Variants in RBFOX1 observed in about 807,000 individuals in gnomAD.
RBFOX1 encodes the protein RNA binding fox-1 homolog 1, also known as RNA binding protein fox-1 homolog 1.
A neutral mutation model predicts 57.7 loss-of-function variants in RBFOX1; 8 were observed. The observed-to-expected ratio is 0.14, with a 90% CI of 0.08 to 0.25. RBFOX1 has a LOEUF of 0.25. Among genes scored for constraint, RBFOX1 ranks in the 10% least tolerant of loss-of-function variants. The pLI, the probability that RBFOX1 is intolerant of heterozygous loss-of-function variation, is 1.00. For missense variants in RBFOX1, 611 were observed against 548.5 expected (o/e 1.11, Z -1.14); for synonymous variants, 326 against 222.4 (o/e 1.47, Z -4.15).
In RBFOX1 at chr16:6,747,202, G is replaced by A. The variant is rs2073883826; in HGVS notation, c.-16+92552G>A. On this transcript the variant is annotated intron_variant, in intron 3 of 15. Coordinates refer to ENST00000550418, the MANE Select transcript of RBFOX1 (RefSeq NM_018723.4). Reference sequence around the variant, plus strand: ...AGACGGTCAGATCACAAGGTCAGGAGTTCGAGACCAGCCTGACTCACATGG... The same window carrying A: ...AGACGGTCAGATCACAAGGTCAGGAATTCGAGACCAGCCTGACTCACATGG... Among the ~76,000 whole-genome samples the A allele has an allele frequency of 2.6e-5, 4 of 152,174 alleles. No individual in the cohort carries two copies. The South Asian group carries it at 8.3e-4, about 32-fold the overall frequency.
chr16:6,912,858 G>C (rs1174063829), intron 3 of RBFOX1, among the ~76,000 whole-genome samples: 1 of 151,926 alleles, frequency 6.6e-6, no homozygotes, highest in Non-Finnish European at 1.5e-5. Flanking sequence ...GAGCTCAAGT[G>C]ATCCTCTTGC....
chr16:7,445,656 A>G (rs1384820275), intron 4 of RBFOX1, among the ~76,000 whole-genome samples: 2 of 152,166 alleles, frequency 1.3e-5, no homozygotes, highest in Admixed American at 6.5e-5. Flanking sequence ...TAGAAATTCA[A>G]AATACAAGAT....
chr16:6,204,893 T>G (rs1413481532), intron 1 of RBFOX1, among the ~76,000 whole-genome samples: 1 of 152,172 alleles, frequency 6.6e-6, no homozygotes, highest in Non-Finnish European at 1.5e-5. Context: ...AATGCATAAA[T>G]GCACGATAAC....
chr16:5,970,807 A>C (rs918215559), intron 4 of RBFOX1, among the ~76,000 whole-genome samples: 1 of 152,196 alleles, frequency 6.6e-6, no homozygotes, highest in Non-Finnish European at 1.5e-5. Flanking sequence ...GCACAGCAAA[A>C]TATGCCTTGA....
intron 2 of RBFOX1, among the ~76,000 whole-genome samples, chr16:6,625,959 A>G (rs1257939829): frequency 6.6e-6 from 1 of 152,194 alleles, no homozygotes; most frequent in African/African-American, 2.4e-5. Flanking sequence ...TCATTGAGGT[A>G]CATGTTCAGT....
At chr16:5,696,689 T>G (rs1187699887) in intron 3 of RBFOX1, among the ~76,000 whole-genome samples, 1 of 152,214 alleles carries the variant, frequency 6.6e-6, no homozygotes, top group Non-Finnish European at 1.5e-5. Flanking sequence ...ATGAATTGCA[T>G]GGAATTCAAA....
intron 6 of RBFOX1, among the ~76,000 whole-genome samples, chr16:7,580,603 C>T (rs1482622779): frequency 2.0e-5 from 3 of 152,188 alleles, no homozygotes; most frequent in South Asian, 2.1e-4. Context: ...AAACACAGAG[C>T]AGGCCACAAG....
intron 3 of RBFOX1, among the ~76,000 whole-genome samples, chr16:6,824,795 T>C (rs898880594): frequency 1.3e-5 from 2 of 151,896 alleles, no homozygotes; most frequent in Non-Finnish European, 2.9e-5. Context: ...ATTAAATATA[T>C]TTTTAAATTT....
rs1345452653 is a variant in RBFOX1 at position 5,287,132 on chromosome 16, C to T, written c.219+47027C>T. Among the ~76,000 whole-genome samples the T allele has an allele frequency of 3.3e-5, 5 of 152,106 alleles. No individual in the cohort carries two copies. In the East Asian group the frequency reaches 9.6e-4, roughly 29 times the overall value. On this transcript the variant is annotated intron_variant, in intron 1 of 2. Coordinates refer to the RBFOX1 transcript ENST00000585867. ...CTAACTTGGGCAATATAGTGAGACC[C>T]TGTCTCTGCAAAGAATAAAAAAATT...
At chr16:7,238,064 C>G (rs899569271) in intron 4 of RBFOX1, among the ~76,000 whole-genome samples, 3 of 152,176 alleles carry the variant, frequency 2.0e-5, no homozygotes, top group South Asian at 4.1e-4. Context: ...GGACATTATT[C>G]TAAGTGAAAT....
At chr16:7,215,220 C>G (rs1297875283) in intron 4 of RBFOX1, among the ~76,000 whole-genome samples, 2 of 152,128 alleles carry the variant, frequency 1.3e-5, no homozygotes, top group Non-Finnish European at 2.9e-5. Flanking sequence ...TCCGTGTCTC[C>G]AAGTGTAAAT....
intron 2 of RBFOX1, among the ~76,000 whole-genome samples, chr16:6,598,956 C>G (rs557382964): frequency 7.5e-6 from 1 of 133,580 alleles, no homozygotes; most frequent in Admixed American, 6.9e-5. Context: ...AAAAACAAAA[C>G]AAAACAAAAC....
chr16:7,392,706 T>C (rs2148497269), intron 4 of RBFOX1, among the ~76,000 whole-genome samples: 1 of 152,300 alleles, frequency 6.6e-6, no homozygotes, highest in East Asian at 1.9e-4. Context: ...TCTGATTATG[T>C]TAAGAAACTG....
At chr16:6,160,592 C>G (rs2096870996) in intron 1 of RBFOX1, among the ~76,000 whole-genome samples, 2 of 152,182 alleles carry the variant, frequency 1.3e-5, no homozygotes, top group Admixed American at 1.3e-4. Context: ...CCGAGTCATG[C>G]TTTAAATGCA....
chr16:7,701,311 G>A (rs1187154571), intron 14 of RBFOX1, among the ~76,000 whole-genome samples: 1 of 152,080 alleles, frequency 6.6e-6, no homozygotes, highest in African/African-American at 2.4e-5. Flanking sequence ...GAGCGGGGTG[G>A]GGGGTGAGCA....
chr16:6,839,145 C>T (rs1036715126), intron 3 of RBFOX1, among the ~76,000 whole-genome samples: 4 of 143,994 alleles, frequency 2.8e-5, no homozygotes, highest in African/African-American at 9.8e-5. Context: ...CCACCACACC[C>T]AGCTAATTTT....
chr16:7,294,783 GAT>G, intron 4 of RBFOX1, among the ~76,000 whole-genome samples: 1 of 150,716 alleles, frequency 6.6e-6, no homozygotes, highest in Non-Finnish European at 1.5e-5. Flanking sequence ...ATATGATGAT[GAT>G]GATGATGATG....
At chr16:7,346,354 G>A (rs752867846) in intron 4 of RBFOX1, among the ~76,000 whole-genome samples, 1 of 151,732 alleles carries the variant, frequency 6.6e-6, no homozygotes, top group East Asian at 2.0e-4. Flanking sequence ...TACCCAAGAG[G>A]GCAGTGTATT....
intron 1 of RBFOX1, among the ~76,000 whole-genome samples, chr16:6,047,795 A>AC (rs1260118268): frequency 2.6e-5 from 4 of 152,184 alleles, no homozygotes; most frequent in Admixed American, 6.5e-5. Context: ...GACTAATTCC[A>AC]CACCAATCAG....
Sources: gnomAD v4.1 joint callset for allele counts (sites outside exome capture counted in the v4.1 genomes callset) on GRCh38, gnomAD v4.1.1 for gene constraint, MANE v1.5 for transcripts, NCBI Gene and HGNC (gene_info 2026-07-23, HGNC 2026-07-21) for gene names.